ERAP1: variants seen among roughly 807,000 people sequenced by gnomAD.
The protein encoded by ERAP1 is adipocyte-derived leucine aminopeptidase.
ERAP1 carries 86 observed loss-of-function variants against 103.7 expected under a neutral mutation model. The ratio of observed to expected loss-of-function variants is 0.83; its 90% confidence interval spans 0.70 to 0.99. ERAP1 has a LOEUF of 0.99. Ranked by LOEUF, ERAP1 falls within the 50% of genes least tolerant of loss-of-function variation. The pLI, the probability that ERAP1 is intolerant of heterozygous loss-of-function variation, is 0.00. For synonymous variants in ERAP1, 398 were observed against 402.4 expected (o/e 0.99, Z 0.13); for missense variants, 1,009 against 1,128.4 (o/e 0.89, Z 1.52).
chr5:96,795,617 G>GGACATA, intron 4 of ERAP1, among the ~76,000 whole-genome samples: 1 of 152,162 alleles, frequency 6.6e-6, no homozygotes, highest in South Asian at 2.1e-4. Flanking sequence ...TACAATCCCT[G>GGACATA]CATAAAGCTA....
chr5:96,881,281 A>T, the ERAP1 span: 10 of 390,116 alleles, frequency 2.6e-5, no homozygotes, highest in Non-Finnish European at 4.1e-5. Context: ...GCAGTAGTTC[A>T]GGTAAGAAGT....
At chr5:96,878,605 GCAACATGGTGA>G in the ERAP1 span, among the ~76,000 whole-genome samples, 226 of 152,186 alleles carry the variant, frequency 1.5e-3, 1 homozygote, top group African/African-American at 5.2e-3. Flanking sequence ...GCCAGCCTGG[GCAACATGGTGA>G]CACATTGTCT....
At position 96,774,684 on chromosome 5, in the gene ERAP1, T is replaced by A. The variant is rs200495924; in HGVS notation, c.*1712A>T. 1.3e-5 allele frequency: 13 copies of A among 982,486 alleles called. No homozygotes were observed. The East Asian group carries it at 1.5e-3, about 110-fold the overall frequency. The allele number at this position is 982,486 out of a possible 1,614,324, so 60.9% of individuals were successfully genotyped here. ...TAAAGCAAAATATTTTACATTAAAA[T>A]CTTGGTTGTGTATTTTTTTAAAAGA... On this transcript the variant is annotated 3_prime_UTR_variant, in exon 19 of 19. Transcript: ENST00000443439.
At chr5:96,895,306 G>T in the ERAP1 span, 7 of 1,612,770 alleles carry the variant, frequency 4.3e-6, no homozygotes, top group African/African-American at 5.3e-5. Flanking sequence ...GGAGGGTTTT[G>T]CAAAATACAT....
the ERAP1 span, chr5:96,873,473 C>G: frequency 2.2e-6 from 1 of 454,244 alleles, no homozygotes; most frequent in Non-Finnish European, 4.4e-6. Flanking sequence ...GGAAAGGAAG[C>G]ATGTGTTACT....
At chr5:96,917,380 C>T in the ERAP1 span, 10 of 1,406,316 alleles carry the variant, frequency 7.1e-6, no homozygotes, top group Middle Eastern at 2.4e-4. Context: ...CTTGGCCTCC[C>T]GAAGTGCTGG....
At chr5:96,866,216 T>C in the ERAP1 span, among the ~76,000 whole-genome samples, 1 of 152,222 alleles carries the variant, frequency 6.6e-6, no homozygotes, top group African/African-American at 2.4e-5. Context: ...TTTGGTAAAG[T>C]GATCACATTT....
Position 96,797,297 on chromosome 5 carries a change from T to G in ERAP1, c.676A>C (p.Thr226Pro). ...TCTTCTATGAGTCCTTCAGCAACAG[T>G]CACAGATTTCACCTAAAATCAGAAT... The part of the protein sequence containing the change: ...ISNMPLVKSV[T>P]VAEGLIEDHF... Residue 226 changes from threonine (T) to proline (P), a missense_variant, in exon 4 of 19, where the codon ACT (threonine) becomes CCT (proline). By Grantham distance (38) the Thr-to-Pro change is conservative. Around this residue, in one of 3 missense-constraint regions of ERAP1, gnomAD observed 392 missense variants for 455.2 expected, o/e 0.86. Coordinates refer to ENST00000443439, the MANE Select transcript of ERAP1 (RefSeq NM_001040458.3). 1 of 1,614,080 alleles carries G rather than the reference T, an allele frequency of 6.2e-7. No homozygotes were observed. Among genetic ancestry groups the G allele is most frequent in the Non-Finnish European group, 8.5e-7 (1 of 1,179,990 alleles).
chr5:96,871,932 A>G, the ERAP1 span, among the ~76,000 whole-genome samples: 1 of 152,152 alleles, frequency 6.6e-6, no homozygotes, highest in African/African-American at 2.4e-5. Context: ...GATTGCATTT[A>G]CTAGGTGAAT....
At chr5:96,810,837 A>G (rs73148320), upstream of ERAP1, among the ~76,000 whole-genome samples, 1,287 of 152,150 alleles carry the variant, frequency 8.5e-3, 17 homozygotes, top group African/African-American at 0.03. Context: ...CTTTTAGTCA[A>G]TTAATGTCAG....
chr5:96,774,963 T>G lies in ERAP1; in HGVS notation c.*1433A>C, dbSNP rs1344800610. The G allele has an allele frequency of 4.1e-6, 4 of 984,592 alleles. No homozygotes were observed. The highest frequency in any genetic ancestry group is 3.5e-5 in the African/African-American group (2 of 57,166). The allele number at this position is 984,592 out of a possible 1,614,324, so 61.0% of individuals were successfully genotyped here. A position where few individuals can be genotyped will look rare whatever the true frequency, so the allele number is the denominator to read the frequency against. ...CTTATCTTGAAGTTTTTGCCTTATA[T>G]TCAAAAAGTTCAGTTTGAATTCTCC... On this transcript the variant is annotated 3_prime_UTR_variant, in exon 19 of 19. Coordinates refer to ENST00000443439, the MANE Select transcript of ERAP1 (RefSeq NM_001040458.3).
chr5:96,909,774 G>C, the ERAP1 span: 2 of 1,613,230 alleles, frequency 1.2e-6, no homozygotes, highest in South Asian at 2.2e-5. Flanking sequence ...AGTAGATGTA[G>C]ACTTCTGTCC....
At chr5:96,918,374 T>A in the ERAP1 span, 3 of 152,170 alleles carry the variant, frequency 2.0e-5, no homozygotes, top group Non-Finnish European at 2.9e-5. Context: ...ATATACAAAC[T>A]ATGAAAGGCA....
chr5:96,901,264 C>T, the ERAP1 span, among the ~76,000 whole-genome samples: 2 of 152,088 alleles, frequency 1.3e-5, no homozygotes, highest in African/African-American at 4.8e-5. Flanking sequence ...ACTGGCTTTT[C>T]CTGCCATGTA....
the ERAP1 span, among the ~76,000 whole-genome samples, chr5:96,906,696 T>C: frequency 0.04 from 6,148 of 152,278 alleles, 209 homozygotes; most frequent in Middle Eastern, 0.12. Flanking sequence ...AATTTGCCTA[T>C]AGAAAAAGCT....
At chr5:96,841,860 G>C in the ERAP1 span, among the ~76,000 whole-genome samples, 2 of 148,588 alleles carry the variant, frequency 1.3e-5, no homozygotes, top group Non-Finnish European at 3.0e-5. Flanking sequence ...CTTTAGTGGT[G>C]ATTTTTTGAG....
intron 6 of ERAP1, 31 bp downstream of exon 6, chr5:96,793,772 T>C (rs1236630981): frequency 5.7e-6 from 9 of 1,582,398 alleles, no homozygotes; most frequent in Non-Finnish European, 7.8e-6. Context: ...ATGTAGTTTA[T>C]ACTTTATTAA....
chr5:96,808,013 A>C (rs1581656613), upstream of ERAP1: 9 of 985,418 alleles, frequency 9.1e-6, no homozygotes, highest in South Asian at 3.8e-4. Context: ...CAGGCGGGGA[A>C]GCCCCTGGCT....
At chr5:96,769,095 GGAAACGT>G (rs2150766097) in intron 19 of ERAP1, 1 of 152,284 alleles carries the variant, frequency 6.6e-6, no homozygotes, top group East Asian at 1.9e-4. Context: ...TCAAATAGAA[GGAAACGT>G]GAAATGAGTA....
Sources: gnomAD v4.1 joint callset for allele counts (sites outside exome capture counted in the v4.1 genomes callset) on GRCh38, gnomAD v4.1.1 for gene constraint, gnomAD v4.1.1 regional missense constraint, MANE v1.5 for transcripts, NCBI Gene and HGNC (gene_info 2026-07-23, HGNC 2026-07-21) for gene names.